Variants in ADRA1D observed in about 807,000 individuals in gnomAD.
ADRA1D encodes alpha-1D adrenergic receptor.
ADRA1D carries 22 observed loss-of-function variants against 18.6 expected under a neutral mutation model. That is an observed-to-expected ratio of 1.19 (90% CI 0.85 to 1.69). The LOEUF (loss-of-function observed/expected upper bound fraction) is 1.69, where lower values mean the gene tolerates loss of function less well. ADRA1D is among the 40% of genes most tolerant of loss of function. The pLI is 0.00. For missense variants in ADRA1D, 840 were observed against 840.7 expected, an observed-to-expected ratio of 1.00 and a Z score of 0.01; for synonymous variants, 376 against 388.2, an observed-to-expected ratio of 0.97 and a Z score of 0.37.
intron 1 of ADRA1D, among the ~76,000 whole-genome samples, chr20:4,245,458 C>T (rs558106978): frequency 6.6e-6 from 1 of 151,882 alleles, no homozygotes; most frequent in African/African-American, 2.4e-5. Flanking sequence ...GAGGAAGGGA[C>T]AGGAGGAGGG....
intron 1 of ADRA1D, among the ~76,000 whole-genome samples, chr20:4,243,888 C>T (rs1981275074): frequency 6.6e-6 from 1 of 152,202 alleles, no homozygotes; most frequent in African/African-American, 2.4e-5. Flanking sequence ...GAAAGCGGGG[C>T]AGCTGGAAGT....
chr20:4,245,220 T>C (rs1220823997), intron 1 of ADRA1D, among the ~76,000 whole-genome samples: 1 of 152,188 alleles, frequency 6.6e-6, no homozygotes, highest in Non-Finnish European at 1.5e-5. Flanking sequence ...TACTCTCAAA[T>C]GTACTGCTGT....
rs1418988640 is a variant in ADRA1D, at chr20:4,233,617, A to AT, written c.1112-11488dup. Among the ~76,000 whole-genome samples, 4 of 152,126 alleles carry AT rather than the reference A, an allele frequency of 2.6e-5. No individual in the cohort carries two copies. The East Asian group carries it at 7.7e-4, about 29-fold the overall frequency. ...GCTTCTAGGGAACCCGACCCAAGAC[A>AT]TTCTTTGTCAGTGCAGTGTCACGTC... On this transcript the variant is annotated intron_variant, in intron 1 of 1. Coordinates refer to ENST00000379453, the MANE Select transcript of ADRA1D (RefSeq NM_000678.4).
intron 1 of ADRA1D, among the ~76,000 whole-genome samples, chr20:4,238,390 C>T (rs1981146086): frequency 6.6e-6 from 1 of 152,088 alleles, no homozygotes; most frequent in African/African-American, 2.4e-5. Context: ...TGGGGGAAGG[C>T]TGAGGACAAA....
At chr20:4,224,050 C>A (rs1414291412) in intron 1 of ADRA1D, among the ~76,000 whole-genome samples, 2 of 152,044 alleles carry the variant, frequency 1.3e-5, no homozygotes, top group African/African-American at 4.8e-5. Flanking sequence ...GACAGGCGGG[C>A]AAGAAAATAC....
chr20:4,249,034 C>A lies in ADRA1D; in HGVS notation c.-77G>T. The A allele has an allele frequency of 9.2e-7, 1 of 1,091,792 alleles. No homozygotes were observed. Among genetic ancestry groups the A allele is most frequent in the Non-Finnish European group, 1.1e-6 (1 of 879,324 alleles). The allele number at this position is 1,091,792 out of a possible 1,614,324, so 67.6% of individuals were successfully genotyped here. A position where few individuals can be genotyped will look rare whatever the true frequency, so the allele number is the denominator to read the frequency against. On this transcript the variant is annotated 5_prime_UTR_variant, in exon 1 of 2. Coordinates refer to ENST00000379453, the MANE Select transcript of ADRA1D (RefSeq NM_000678.4). ...CAGGGAGGGGAGCACAGGGCATAGCCGCGGGGCTCCAGATGCAGCTCCGCG... is the reference window on the plus strand; with the variant it reads ...CAGGGAGGGGAGCACAGGGCATAGCAGCGGGGCTCCAGATGCAGCTCCGCG...
chr20:4,225,688 T>C (rs1359808050), intron 1 of ADRA1D, among the ~76,000 whole-genome samples: 1 of 152,116 alleles, frequency 6.6e-6, no homozygotes, highest in Non-Finnish European at 1.5e-5. Context: ...AGTGCTGGGA[T>C]TACAGGTGTG....
chr20:4,223,170 A>G lies in ADRA1D; in HGVS notation c.1112-1040T>C, dbSNP rs1980714844. Among the ~76,000 whole-genome samples, 3 of 144,862 alleles carry G rather than the reference A, an allele frequency of 2.1e-5. No individual in the cohort carries two copies. The South Asian group carries it at 6.3e-4, about 31-fold the overall frequency. On this transcript the variant is annotated intron_variant, in intron 1 of 1. Transcript: ENST00000379453. ...AAAGATAATTCAATAGAGAAAGGGT[A>G]GTCTTTTCATTTGTCTTTTCAGCAA...
At chr20:4,235,110 A>G (rs571517067) in intron 1 of ADRA1D, among the ~76,000 whole-genome samples, 2 of 152,270 alleles carry the variant, frequency 1.3e-5, no homozygotes, top group East Asian at 3.9e-4. Context: ...TTGCATCACC[A>G]ATTTTCTGTG....
chr20:4,230,853 G>T (rs1177146673), intron 1 of ADRA1D, among the ~76,000 whole-genome samples: 1 of 152,086 alleles, frequency 6.6e-6, no homozygotes, highest in Non-Finnish European at 1.5e-5. Context: ...TCCTCCCCCA[G>T]TCCCTGCAGC....
At chr20:4,232,058 G>A (rs1351551429) in intron 1 of ADRA1D, among the ~76,000 whole-genome samples, 5 of 152,162 alleles carry the variant, frequency 3.3e-5, no homozygotes, top group Admixed American at 1.3e-4. Context: ...GAATACAGGC[G>A]CCCACAACCA....
At position 4,222,305 on chromosome 20, in the gene ADRA1D, A is replaced by C; in HGVS notation, c.1112-175T>G. 1 of 848,096 alleles carries C rather than the reference A, an allele frequency of 1.2e-6. No individual in the cohort carries two copies. The highest frequency in any genetic ancestry group is 2.3e-5 in the South Asian group (1 of 43,776). The allele number at this position is 848,096 out of a possible 1,614,324, so 52.5% of individuals were successfully genotyped here. A position where few individuals can be genotyped will look rare whatever the true frequency, so the allele number is the denominator to read the frequency against. On this transcript the variant is annotated intron_variant, in intron 1 of 1. Transcript: ENST00000379453. The surrounding 1 kb of genome is among the most constrained non-coding windows in gnomAD (Gnocchi z 4.3). The stretch of plus-strand genomic sequence containing the variant: ...TGAACTTGGATAGAGAAAAATAATA[A>C]TTGTTTTCACTCACCTCTACCTGAT...
rs1285583445 is a variant in ADRA1D, at chr20:4,221,666, C to A, written c.1576G>T (p.Ala526Ser). The A allele has an allele frequency of 1.2e-6, 2 of 1,612,644 alleles. No individual in the cohort carries two copies. Among genetic ancestry groups the A allele is most frequent in the South Asian group, 2.2e-5 (2 of 91,024 alleles). ...GCGCACGCTGCCTCTGCGCGCTGCG[C>A]GCCCCCGGCGCGGATCTTGTGCGAC... ...SLSHKIRAGGAQRAEAACAQR... is the reference protein window; with the variant it reads ...SLSHKIRAGGSQRAEAACAQR... The change falls in exon 2 of 2, where the codon GCG becomes TCG. Residue 526 changes from alanine to serine, a missense_variant. Transcript: ENST00000379453.
At chr20:4,247,489 C>T (rs1981361073) in intron 1 of ADRA1D, among the ~76,000 whole-genome samples, 1 of 152,192 alleles carries the variant, frequency 6.6e-6, no homozygotes, top group Non-Finnish European at 1.5e-5. Flanking sequence ...CACCCACCTC[C>T]CGGGAGGGGG....
intron 1 of ADRA1D, among the ~76,000 whole-genome samples, chr20:4,240,829 T>C (rs6037790): frequency 0.16 from 24,776 of 151,962 alleles, 2,074 homozygotes; most frequent in East Asian, 0.25. Flanking sequence ...GAATCTACAG[T>C]GATGGGACAG....
At chr20:4,236,796 C>T (rs922334215) in intron 1 of ADRA1D, among the ~76,000 whole-genome samples, 1 of 152,126 alleles carries the variant, frequency 6.6e-6, no homozygotes, top group East Asian at 1.9e-4. Context: ...AAGCGGCAGT[C>T]GGACCATTCT....
intron 1 of ADRA1D, among the ~76,000 whole-genome samples, chr20:4,228,512 A>G: frequency 6.6e-6 from 1 of 152,250 alleles, no homozygotes; most frequent in East Asian, 1.9e-4. Context: ...TGAGGCACCT[A>G]CTACGTGCCA....
intron 1 of ADRA1D, among the ~76,000 whole-genome samples, chr20:4,226,301 C>A (rs1334256706): frequency 6.6e-6 from 1 of 152,234 alleles, no homozygotes; most frequent in Non-Finnish European, 1.5e-5. Flanking sequence ...AAGGTTTTCC[C>A]ACTGTATCCT....
At position 4,221,394 on chromosome 20, in the gene ADRA1D, T is replaced by A. The variant is rs2236554; in HGVS notation, c.*129A>T. ...AGCTCTGCCCAGTTCCTCAGGGATG[T>A]CACAGAGCAGCTGCCCTGATCAGTT... On this transcript the variant is annotated 3_prime_UTR_variant, in exon 2 of 2. Coordinates refer to ENST00000379453, the MANE Select transcript of ADRA1D (RefSeq NM_000678.4). 407,881 of 1,060,912 alleles carry A rather than the reference T, an allele frequency of 0.38. 80,942 individuals are homozygous for A. Among genetic ancestry groups the A allele is most frequent in the South Asian group, 0.5 (29,604 of 58,756 alleles). 65.7% of individuals were successfully genotyped at this position (1,060,912 alleles called of 1,614,324 possible).
Sources: allele counts gnomAD v4.1 joint callset (sites outside exome capture counted in the v4.1 genomes callset), GRCh38; gene constraint gnomAD v4.1.1; non-coding constraint Gnocchi (gnomAD v3.1); transcripts MANE v1.5; gene names NCBI Gene and HGNC (gene_info 2026-07-23, HGNC 2026-07-21).